Variants in RO60 observed in about 807,000 individuals in gnomAD.
RO60 encodes Ro60, Y RNA binding protein, also known as RNA-binding protein RO60.
Under a neutral mutation model 55.3 loss-of-function variants are expected in RO60, and 20 were observed. The observed-to-expected ratio is 0.36, with a 90% confidence interval of 0.25 to 0.53. RO60 has a LOEUF of 0.53. Ranked by LOEUF, RO60 falls within the 20% of genes least tolerant of loss-of-function variation. The pLI, the probability that RO60 is intolerant of heterozygous loss-of-function variation, is 0.92. For missense variants in RO60, 558 were observed against 646.6 expected, an observed-to-expected ratio of 0.86 and a Z score of 1.49; for synonymous variants, 213 against 213.6, an observed-to-expected ratio of 1.00 and a Z score of 0.02.
intron 1 of RO60, among the ~76,000 whole-genome samples, chr1:193,061,994 A>G (rs1181648602): frequency 6.6e-6 from 1 of 152,166 alleles, no homozygotes; most frequent in Non-Finnish European, 1.5e-5. Context: ...AAAAAAAAAA[A>G]AAAAAGTGTC....
intron 1 of RO60, among the ~76,000 whole-genome samples, chr1:193,066,750 C>A (rs978371106): frequency 6.6e-5 from 10 of 152,196 alleles, no homozygotes; most frequent in African/African-American, 9.6e-5. Context: ...AACAAAACTT[C>A]TTTTATCTTG....
intron 8 of RO60, 93 bp from the exon 9 acceptor site, chr1:193,084,486 T>C: frequency 1.5e-6 from 2 of 1,374,840 alleles, no homozygotes; most frequent in Non-Finnish European, 1.9e-6. Flanking sequence ...TAAAAAGCTC[T>C]GGTAGAGAAA....
At chr1:193,091,592 T>C, downstream of RO60, 3 of 1,375,686 alleles carry the variant, frequency 2.2e-6, no homozygotes, top group South Asian at 2.4e-5. Context: ...ATGTATTACA[T>C]TTGTTTCATG....
Position 193,061,756 on chromosome 1 carries a change from G to C in RO60, c.-22+1980G>C, listed in dbSNP as rs1023355765. On this transcript the variant is annotated intron_variant, in intron 1 of 8. Coordinates refer to ENST00000400968, the MANE Select transcript of RO60 (RefSeq NM_001173524.2). ...TCCCAGCACTTTGGGAGGCCCAGGC[G>C]GGTGGATCACGAGGTCAGGAGTTCA... Among the ~76,000 whole-genome samples the C allele has an allele frequency of 6.4e-4, 97 of 152,238 alleles. 1 individual carries two copies. Among genetic ancestry groups the C allele is most frequent in the Non-Finnish European group, 1.3e-4 (9 of 68,018 alleles).
intron 2 of RO60, chr1:193,070,544 G>A: frequency 1.4e-5 from 4 of 292,176 alleles, no homozygotes; most frequent in South Asian, 5.0e-5. Context: ...TTTTTTTTTT[G>A]CACCGGAAGT....
At chr1:193,071,846 ATGCATATAAT>A in intron 2 of RO60, among the ~76,000 whole-genome samples, 1 of 116,310 alleles carries the variant, frequency 8.6e-6, no homozygotes, top group Non-Finnish European at 2.0e-5. Context: ...CTATATATGT[ATGCATATAAT>A]TATATGTATG....
rs768063781 is a variant in RO60, at chr1:193,084,544, A to G, written c.1465-35A>G. ...AGGTATTTTGCATTTCCTTACATTT[A>G]TGTTTTTAATATGTATTTTGGTCTT... On this transcript the variant is annotated intron_variant, in intron 8 of 8. Transcript: ENST00000400968. The G allele has an allele frequency of 3.2e-6, 5 of 1,580,878 alleles. No homozygotes were observed. The Admixed American group carries it at 9.2e-5, about 29-fold the overall frequency.
At chr1:193,063,802 A>G (rs1371968795) in intron 1 of RO60, among the ~76,000 whole-genome samples, 1 of 152,236 alleles carries the variant, frequency 6.6e-6, no homozygotes, top group Non-Finnish European at 1.5e-5. Context: ...GCGGACTACA[A>G]ATTCAAGACT....
intron 3 of RO60, among the ~76,000 whole-genome samples, chr1:193,076,265 A>G (rs1392622195): frequency 6.6e-6 from 1 of 151,264 alleles, no homozygotes; most frequent in East Asian, 1.9e-4. Context: ...TTGCTAATTA[A>G]AAAAAAAATC....
At position 193,084,717 on chromosome 1, in the gene RO60, T is replaced by G. The variant is rs2103078979; in HGVS notation, c.1603T>G (p.Leu535Val). 2.5e-6 allele frequency: 4 copies of G among 1,612,566 alleles called. No individual in the cohort carries two copies. In the East Asian group the frequency reaches 8.9e-5, roughly 36 times the overall value. Residue 535 changes from leucine to valine, a missense_variant, in exon 9 of 9, where the codon TTA (leucine) becomes GTA (valine). Transcript: ENST00000400968. The part of the protein sequence containing the change: ...GALDVIRNFT[L>V]DMI ...TCTGGATGTAATTCGAAATTTCACA[T>G]TAGATATGATTTAACCATAAGCAGC...
chr1:193,085,780 G>A lies in RO60; in HGVS notation c.*1049G>A, dbSNP rs1674601201. On this transcript the variant is annotated 3_prime_UTR_variant, in exon 9 of 9. Transcript: ENST00000400968. The stretch of plus-strand genomic sequence containing the variant: ...TGTGGCAAAATATTCTTCTTTGATA[G>A]TGTAAACAAATAATAAAGCAATCTA... 1.0e-6 allele frequency: 1 copy of A among 984,914 alleles called. No individual in the cohort carries two copies. Among genetic ancestry groups the A allele is most frequent in the Non-Finnish European group, 1.2e-6 (1 of 829,608 alleles). The allele number at this position is 984,914 out of a possible 1,614,324, so 61.0% of individuals were successfully genotyped here. A position where few individuals can be genotyped will look rare whatever the true frequency, so the allele number is the denominator to read the frequency against.
chr1:193,091,642 C>A, downstream of RO60: 1 of 1,608,778 alleles, frequency 6.2e-7, no homozygotes, highest in Non-Finnish European at 8.5e-7. Context: ...TCCTTTCTCT[C>A]CTTTCTAGCC....
chr1:193,077,562 C>A (rs1674011345), intron 5 of RO60, among the ~76,000 whole-genome samples: 6 of 152,144 alleles, frequency 3.9e-5, no homozygotes, highest in Admixed American at 3.9e-4. Flanking sequence ...AGAACTCATT[C>A]ACTATCACAA....
chr1:193,077,762 TCACCTCC>T (rs1674027800), intron 5 of RO60, among the ~76,000 whole-genome samples: 2 of 152,118 alleles, frequency 1.3e-5, no homozygotes, highest in Non-Finnish European at 2.9e-5. Context: ...CATGATCCAG[TCACCTCC>T]CAGAAGGTCC....
intron 2 of RO60, 46 bp downstream of exon 2, chr1:193,069,680 T>A: frequency 1.4e-6 from 2 of 1,450,406 alleles, no homozygotes; most frequent in Non-Finnish European, 1.9e-6. Flanking sequence ...TAAGGGATAT[T>A]CAATAAATAG....
At chr1:193,071,407 A>G (rs1340512856) in intron 2 of RO60, among the ~76,000 whole-genome samples, 1 of 152,158 alleles carries the variant, frequency 6.6e-6, no homozygotes, top group Non-Finnish European at 1.5e-5. Flanking sequence ...TATTATTGCT[A>G]TTGCTATTGC....
chr1:193,088,202 A>G lies in RO60; in HGVS notation c.*3471A>G, dbSNP rs1044385610. ...TTTTTTTTTTTTTTTTTAAGAGACA[A>G]CGTCTCACTGTGTTGCCCAGGCTGG... is the stretch of plus-strand genomic sequence containing the variant. On this transcript the variant is annotated 3_prime_UTR_variant, in exon 9 of 9. Transcript: ENST00000400968. 7.7e-5 allele frequency: 9 copies of G among 116,996 alleles called. No homozygotes were observed. The highest frequency in any genetic ancestry group is 2.6e-4 in the African/African-American group (7 of 27,286). 7.2% of individuals were successfully genotyped at this position (116,996 alleles called of 1,614,324 possible). A position where few individuals can be genotyped will look rare whatever the true frequency, so the allele number is the denominator to read the frequency against.
intron 1 of RO60, among the ~76,000 whole-genome samples, chr1:193,065,294 A>G (rs938435951): frequency 6.6e-6 from 1 of 152,220 alleles, no homozygotes; most frequent in African/African-American, 2.4e-5. Flanking sequence ...TAATGTAGCT[A>G]CATGTGGTCA....
At position 193,082,288 on chromosome 1, in the gene RO60, G is replaced by T; in HGVS notation, c.1306G>T (p.Ala436Ser). 3 of 1,603,360 alleles carry T rather than the reference G, an allele frequency of 1.9e-6. No homozygotes were observed. Among genetic ancestry groups the T allele is most frequent in the African/African-American group, 1.3e-5 (1 of 74,494 alleles). The change falls in exon 7 of 9, where the codon GCT becomes TCT. Residue 436 changes from alanine (A) to serine (S), a missense_variant. Ala to Ser is a moderately conservative substitution (Grantham distance 99). Coordinates refer to ENST00000400968, the MANE Select transcript of RO60 (RefSeq NM_001173524.2). ...TATGACCTTACAACAGGTTTTAATG[G>T]CTATGAGTCAGGTAAGAAACTGTGT... ...TDMTLQQVLMAMSQIPAGGTD... is the reference protein window; with the variant it reads ...TDMTLQQVLMSMSQIPAGGTD...
Sources: gnomAD v4.1 joint callset for allele counts (sites outside exome capture counted in the v4.1 genomes callset) on GRCh38, gnomAD v4.1.1 for gene constraint, MANE v1.5 for transcripts, NCBI Gene and HGNC (gene_info 2026-07-23, HGNC 2026-07-21) for gene names.